CLEC12A: variants seen among roughly 807,000 people sequenced by gnomAD.
The protein encoded by CLEC12A is C-type lectin domain family 12 member A, also known as C-type lectin protein CLL-1.
CLEC12A carries 22 observed loss-of-function variants against 26.5 expected under a neutral mutation model. The ratio of observed to expected loss-of-function variants is 0.83; its 90% CI spans 0.59 to 1.19. CLEC12A has a LOEUF of 1.19. Among genes scored for constraint, CLEC12A ranks in the 50% most tolerant of loss-of-function variants. The pLI is 0.00. For missense variants in CLEC12A, 353 were observed against 315.6 expected (o/e 1.12, Z -0.90); for synonymous variants, 119 against 101.9 (o/e 1.17, Z -1.01).
chr12:9,962,246 G>GTT (rs1863842332), intron 1 of CLEC12A, among the ~76,000 whole-genome samples: 1 of 138,572 alleles, frequency 7.2e-6, no homozygotes, highest in Non-Finnish European at 1.6e-5. Flanking sequence ...TGTATAACCG[G>GTT]TTTTTTCTTT....
rs990097693 is a variant in CLEC12A, at chr12:9,984,784, A to G, written c.642-86A>G. ...ACAACACAGAGTCTAGGGCAATAATATCATGTTGGAAGTGTAATTTTTTTT... is the reference window on the plus strand; with the variant it reads ...ACAACACAGAGTCTAGGGCAATAATGTCATGTTGGAAGTGTAATTTTTTTT... On this transcript the variant is annotated intron_variant, in intron 5 of 5. Coordinates refer to ENST00000304361, the MANE Select transcript of CLEC12A (RefSeq NM_138337.6). 1.2e-5 allele frequency: 15 copies of G among 1,216,064 alleles called. No individual in the cohort carries two copies. The Admixed American group carries it at 3.2e-4, about 26-fold the overall frequency. 75.3% of individuals were successfully genotyped at this position (1,216,064 alleles called of 1,614,324 possible).
intron 1 of CLEC12A, among the ~76,000 whole-genome samples, chr12:9,973,431 G>A (rs944241946): frequency 6.6e-6 from 1 of 152,080 alleles, no homozygotes; most frequent in South Asian, 2.1e-4. Flanking sequence ...TCCAGTCTGG[G>A]TGACACAGCA....
upstream of CLEC12A, among the ~76,000 whole-genome samples, chr12:9,968,135 G>A (rs946672768): frequency 6.6e-6 from 1 of 152,192 alleles, no homozygotes; most frequent in Non-Finnish European, 1.5e-5. Context: ...ATTTAAAATT[G>A]GTGAGATGTT....
At chr12:9,993,308 T>A (rs1342785018) in intron 4 of CLEC12A, 2 of 1,573,838 alleles carry the variant, frequency 1.3e-6, no homozygotes, top group Non-Finnish European at 1.7e-6. Flanking sequence ...AAAGTTAGAA[T>A]AAATTCCTTT....
At position 9,959,154 on chromosome 12, in the gene CLEC12A, T is replaced by C. The variant is rs567305392; in HGVS notation, c.10+7798T>C. Among the ~76,000 whole-genome samples, 9 of 152,198 alleles carry C rather than the reference T, an allele frequency of 5.9e-5. No individual in the cohort carries two copies. The East Asian group carries it at 7.7e-4, about 13-fold the overall frequency. ...CCTCAGTTTGGTCCAGGAACAATGA[T>C]AGAAATATTAACTTGGCTGGGCGTG... On this transcript the variant is annotated intron_variant, in intron 1 of 6. Coordinates refer to the CLEC12A transcript ENST00000355690.
In CLEC12A at chr12:9,982,033, C is replaced by A; in HGVS notation, c.545C>A (p.Ser182Tyr). The A allele has an allele frequency of 1.3e-6, 2 of 1,552,916 alleles. No individual in the cohort carries two copies. Among genetic ancestry groups the A allele is most frequent in the South Asian group, 1.1e-5 (1 of 89,182 alleles). ...NNKNALEFIKSQSRSYDYWLG... is the reference protein window; with the variant it reads ...NNKNALEFIKYQSRSYDYWLG... Reference sequence around the variant, plus strand: ...TATTTCCTGTAGGAATTTATAAAATCCCAGAGTAGATCATATGACTATTGG... The same window carrying A: ...TATTTCCTGTAGGAATTTATAAAATACCAGAGTAGATCATATGACTATTGG... Residue 182 changes from serine (S) to tyrosine (Y), a missense_variant, in exon 5 of 6, where the codon TCC becomes TAC. Transcript: ENST00000304361.
chr12:9,968,326 G>A (rs370489897), upstream of CLEC12A, among the ~76,000 whole-genome samples: 1 of 152,292 alleles, frequency 6.6e-6, no homozygotes, highest in East Asian at 1.9e-4. Flanking sequence ...CAACAAGGCT[G>A]TTTATTTCAC....
At chr12:9,995,206 C>T (rs267603266) in exon 5 of CLEC12A, 1 of 1,613,178 alleles carries the variant, frequency 6.2e-7, no homozygotes, top group Admixed American at 1.7e-5. Flanking sequence ...GCGAGATAAT[C>T]CGACCCAACG....
At chr12:9,990,621 T>C (rs1345509864) in intron 4 of CLEC12A, among the ~76,000 whole-genome samples, 1 of 152,224 alleles carries the variant, frequency 6.6e-6, no homozygotes, top group East Asian at 1.9e-4. Context: ...GCTGTGAACA[T>C]TGTTGAAATG....
chr12:9,978,813 T>G (rs533752946), intron 1 of CLEC12A, among the ~76,000 whole-genome samples, 153 bp from the exon 2 acceptor site: 1 of 152,344 alleles, frequency 6.6e-6, no homozygotes, highest in South Asian at 2.1e-4. Flanking sequence ...TCAAAAATAT[T>G]TTTTGAATAT....
intron 4 of CLEC12A, among the ~76,000 whole-genome samples, chr12:9,994,445 T>A (rs1211921034): frequency 6.6e-6 from 1 of 152,110 alleles, no homozygotes; most frequent in Non-Finnish European, 1.5e-5. Flanking sequence ...AATAATCAGA[T>A]TATATAAGTT....
At chr12:9,954,927 T>A (rs1863718108) in intron 1 of CLEC12A, among the ~76,000 whole-genome samples, 1 of 152,206 alleles carries the variant, frequency 6.6e-6, no homozygotes. Context: ...TATTTAAAGG[T>A]GTCAGGGTTT....
At chr12:9,979,185 G>A (rs1434525614) in intron 2 of CLEC12A, 121 bp downstream of exon 2, 2 of 979,514 alleles carry the variant, frequency 2.0e-6, no homozygotes, top group African/African-American at 3.2e-5. Flanking sequence ...CCACAAGGAG[G>A]ACTTACAATG....
At chr12:9,983,443 T>C (rs1457901244) in intron 5 of CLEC12A, 1 of 673,918 alleles carries the variant, frequency 1.5e-6, no homozygotes, top group African/African-American at 1.8e-5. Flanking sequence ...GTATTTGTTC[T>C]GCTTATAATG....
At chr12:9,957,045 GAGGT>G (rs1170243557) in intron 1 of CLEC12A, among the ~76,000 whole-genome samples, 4 of 152,202 alleles carry the variant, frequency 2.6e-5, no homozygotes, top group African/African-American at 9.7e-5. Context: ...AAATGTATCT[GAGGT>G]AGGTCTCAAT....
At chr12:9,994,566 T>G (rs1426923057) in intron 4 of CLEC12A, among the ~76,000 whole-genome samples, 1 of 152,052 alleles carries the variant, frequency 6.6e-6, no homozygotes, top group African/African-American at 2.4e-5. Context: ...GCAACTCCAC[T>G]CAATGCAATC....
upstream of CLEC12A, among the ~76,000 whole-genome samples, chr12:9,970,767 A>G (rs1219616069): frequency 2.0e-5 from 3 of 152,152 alleles, no homozygotes; most frequent in Non-Finnish European, 4.4e-5. Context: ...CCCTCAGTAT[A>G]CAGACCTTGG....
chr12:9,968,881 C>A (rs1187435652), upstream of CLEC12A, among the ~76,000 whole-genome samples: 2 of 152,036 alleles, frequency 1.3e-5, no homozygotes, highest in African/African-American at 4.8e-5. Context: ...GTGCAGGTAT[C>A]TATAGTATAT....
Position 9,982,145 on chromosome 12 carries a change from T to C in CLEC12A, c.641+16T>C, listed in dbSNP as rs1314061391. 7.3e-7 allele frequency: 1 copy of C among 1,373,144 alleles called. No homozygotes were observed. The allele number at this position is 1,373,144 out of a possible 1,614,324, so 85.1% of individuals were successfully genotyped here. ...CCTCTGCCTGGTAAGTGTCTATTCT[T>C]GTTAGAATTTTATAGCTGGGTTTGA... is the stretch of plus-strand genomic sequence containing the variant. On this transcript the variant is annotated intron_variant, in intron 5 of 5. Coordinates refer to ENST00000304361, the MANE Select transcript of CLEC12A (RefSeq NM_138337.6).
Sources: allele counts gnomAD v4.1 joint callset (sites outside exome capture counted in the v4.1 genomes callset), GRCh38; gene constraint gnomAD v4.1.1; transcripts MANE v1.5; gene names NCBI Gene and HGNC (gene_info 2026-07-23, HGNC 2026-07-21).